VAC14: variants seen among roughly 807,000 people sequenced by gnomAD.
VAC14 encodes protein VAC14 homolog.
A neutral mutation model predicts 85.3 loss-of-function variants in VAC14; 47 were observed. That is an observed-to-expected ratio of 0.55 (90% CI 0.44 to 0.70). The LOEUF (loss-of-function observed/expected upper bound fraction) is 0.70, where lower values mean the gene tolerates loss of function less well. Ranked by LOEUF, VAC14 falls within the 30% of genes least tolerant of loss-of-function variation. The pLI, the probability that VAC14 is intolerant of heterozygous loss-of-function variation, is 0.00. For synonymous variants in VAC14, 447 were observed against 430.5 expected (o/e 1.04, Z -0.47); for missense variants, 861 against 1,004.3 (o/e 0.86, Z 1.93).
intron 9 of VAC14, among the ~76,000 whole-genome samples, chr16:70,776,673 T>C (rs2033534127): frequency 6.6e-6 from 1 of 152,190 alleles, no homozygotes; most frequent in Admixed American, 6.5e-5. Context: ...CAAGGGATCC[T>C]TGTACCTCAG....
chr16:70,700,968 T>C (rs1292317140), intron 14 of VAC14, among the ~76,000 whole-genome samples: 1 of 151,788 alleles, frequency 6.6e-6, no homozygotes, highest in Non-Finnish European at 1.5e-5. Flanking sequence ...CTGAGGAGGG[T>C]GCGGAGGGAG....
chr16:70,743,593 ACTC>A (rs2030574011), intron 13 of VAC14, among the ~76,000 whole-genome samples: 1 of 151,958 alleles, frequency 6.6e-6, no homozygotes, highest in Non-Finnish European at 1.5e-5. Context: ...GAAGAACCAA[ACTC>A]CGGACACACC....
At chr16:70,784,888 G>A in intron 3 of VAC14, 50 bp from the exon 4 acceptor site, 1 of 1,538,690 alleles carries the variant, frequency 6.5e-7, no homozygotes, top group Non-Finnish European at 9.0e-7. Context: ...GGTCACGGTT[G>A]GATGCAAGAC....
intron 9 of VAC14, among the ~76,000 whole-genome samples, chr16:70,775,136 G>T (rs1444251589): frequency 6.6e-6 from 1 of 152,094 alleles, no homozygotes; most frequent in East Asian, 1.9e-4. Flanking sequence ...TGGACTCCTG[G>T]ATATTGATAT....
intron 10 of VAC14, 54 bp downstream of exon 10, chr16:70,772,055 A>G (rs1380933194): frequency 6.4e-7 from 1 of 1,564,232 alleles, no homozygotes; most frequent in Non-Finnish European, 8.8e-7. Context: ...GCATCCAGGA[A>G]AGATCTAGGC....
chr16:70,743,803 A>G (rs1254126625), intron 13 of VAC14, among the ~76,000 whole-genome samples: 1 of 152,180 alleles, frequency 6.6e-6, no homozygotes, highest in East Asian at 1.9e-4. Context: ...GAACTTTACT[A>G]CCAAACGTGT....
chr16:70,729,119 T>G (rs2054513578), intron 14 of VAC14, among the ~76,000 whole-genome samples: 1 of 152,226 alleles, frequency 6.6e-6, no homozygotes, highest in Non-Finnish European at 1.5e-5. Context: ...TAGAGACATT[T>G]CAGACGGTCC....
chr16:70,690,708 G>A (rs2053580596), intron 18 of VAC14: 1 of 985,634 alleles, frequency 1.0e-6, no homozygotes, highest in Non-Finnish European at 1.2e-6. Flanking sequence ...CCCCTCCCAG[G>A]GCTGGGACTG....
intron 14 of VAC14, among the ~76,000 whole-genome samples, chr16:70,721,855 G>A (rs922261362): frequency 6.6e-6 from 1 of 152,142 alleles, no homozygotes; most frequent in African/African-American, 2.4e-5. Context: ...CTGTGTGATG[G>A]TGCTCATGGC....
At chr16:70,694,819 C>T (rs1045201363) in intron 17 of VAC14, among the ~76,000 whole-genome samples, 4 of 152,264 alleles carry the variant, frequency 2.6e-5, no homozygotes, top group Non-Finnish European at 5.9e-5. Context: ...TGGCTCCCAG[C>T]AAATGCCAAC....
At chr16:70,795,367 G>C (rs1175643874) in intron 1 of VAC14, among the ~76,000 whole-genome samples, 1 of 151,954 alleles carries the variant, frequency 6.6e-6, no homozygotes, top group African/African-American at 2.4e-5. Flanking sequence ...TGTGGTGGGC[G>C]CCTGTAGTCC....
chr16:70,715,308 ACCCCCT>A (rs1265491067), intron 14 of VAC14: 2 of 151,662 alleles, frequency 1.3e-5, no homozygotes, highest in Non-Finnish European at 2.9e-5. Context: ...CAGGCTGGGC[ACCCCCT>A]CCCCCACATC....
At chr16:70,749,641 T>C (rs1444534584) in intron 12 of VAC14, among the ~76,000 whole-genome samples, 1 of 152,220 alleles carries the variant, frequency 6.6e-6, no homozygotes, top group Non-Finnish European at 1.5e-5. Context: ...CATCCCCATC[T>C]TCCCTCAGTC....
intron 14 of VAC14, 54 bp from the exon 15 acceptor site, chr16:70,698,865 G>GTC: frequency 6.3e-7 from 1 of 1,586,070 alleles, no homozygotes; most frequent in Non-Finnish European, 8.6e-7. Context: ...AAGGCTCTGT[G>GTC]TCTCAGCCTG....
intron 9 of VAC14, chr16:70,773,125 T>C (rs1371565089): frequency 6.6e-6 from 1 of 152,148 alleles, no homozygotes; most frequent in African/African-American, 2.4e-5. Flanking sequence ...ACGGAAAATA[T>C]TCTAAAATTG....
chr16:70,752,720 A>C (rs1405655470), intron 12 of VAC14, among the ~76,000 whole-genome samples: 1 of 152,258 alleles, frequency 6.6e-6, no homozygotes, highest in African/African-American at 2.4e-5. Context: ...GCTCTACCCC[A>C]TAGGCCTCGC....
intron 13 of VAC14, among the ~76,000 whole-genome samples, chr16:70,742,497 G>A (rs80198986): frequency 0.025 from 3,832 of 152,338 alleles, 172 homozygotes; most frequent in African/African-American, 0.086. Context: ...GAATGGACTC[G>A]TTTGCCGAGG....
intron 14 of VAC14, among the ~76,000 whole-genome samples, chr16:70,718,795 G>C (rs1400587943): frequency 6.6e-6 from 1 of 152,188 alleles, no homozygotes; most frequent in African/African-American, 2.4e-5. Context: ...GCCAATCAGA[G>C]CTTCCCTCTG....
intron 14 of VAC14, among the ~76,000 whole-genome samples, chr16:70,706,891 C>T (rs1284685787): frequency 6.6e-6 from 1 of 152,162 alleles, no homozygotes; most frequent in Non-Finnish European, 1.5e-5. Flanking sequence ...CTAGGAGACA[C>T]CTGGAGTCTC....
Sources: gnomAD v4.1 joint callset for allele counts (sites outside exome capture counted in the v4.1 genomes callset) on GRCh38, gnomAD v4.1.1 for gene constraint, MANE v1.5 for transcripts, NCBI Gene and HGNC (gene_info 2026-07-23, HGNC 2026-07-21) for gene names.